PPP4R3B: variants seen among roughly 807,000 people sequenced by gnomAD.
PPP4R3B encodes serine/threonine-protein phosphatase 4 regulatory subunit 3B.
In PPP4R3B, 52 loss-of-function variants were observed where a neutral mutation model predicts 95.4. That is an observed-to-expected ratio of 0.54 (90% CI 0.44 to 0.69). PPP4R3B has a LOEUF of 0.69. Ranked by LOEUF, PPP4R3B falls within the 30% of genes least tolerant of loss-of-function variation. The pLI is 0.00. For synonymous variants in PPP4R3B, 407 were observed against 343.9 expected, an observed-to-expected ratio of 1.18 and a Z score of -2.03; for missense variants, 1,003 against 1,005.9, an observed-to-expected ratio of 1.00 and a Z score of 0.04.
chr2:55,579,606 G>T, intron 9 of PPP4R3B, 73 bp downstream of exon 9: 3 of 992,796 alleles, frequency 3.0e-6, no homozygotes, highest in Non-Finnish European at 2.9e-6. Flanking sequence ...CAAGTAAATT[G>T]CCTGTTAGTT....
chr2:55,573,600 T>G lies in PPP4R3B; in HGVS notation c.1765+19A>C. 6.6e-7 allele frequency: 1 copy of G among 1,522,354 alleles called. No homozygotes were observed. Among genetic ancestry groups the G allele is most frequent in the African/African-American group, 1.4e-5 (1 of 71,040 alleles). 94.3% of individuals were successfully genotyped at this position (1,522,354 alleles called of 1,614,324 possible). A position where few individuals can be genotyped will look rare whatever the true frequency, so the allele number is the denominator to read the frequency against. On this transcript the variant is annotated intron_variant, in intron 12 of 16. Coordinates refer to ENST00000616407, the MANE Select transcript of PPP4R3B (RefSeq NM_001122964.3). Reference sequence around the variant, plus strand: ...TATCTCTATTAAAAATGTTGCTCCTTAAAACATTTTATACTTACACAAGGC... The same window carrying G: ...TATCTCTATTAAAAATGTTGCTCCTGAAAACATTTTATACTTACACAAGGC...
intron 6 of PPP4R3B, among the ~76,000 whole-genome samples, chr2:55,586,191 G>T (rs929331547): frequency 6.6e-6 from 1 of 151,996 alleles, no homozygotes; most frequent in African/African-American, 2.4e-5. Flanking sequence ...TTAAATGAAT[G>T]CTTTAAAAAT....
intron 15 of PPP4R3B, 32 bp from the exon 16 acceptor site, chr2:55,559,000 CAATA>C: frequency 2.6e-6 from 4 of 1,525,934 alleles, no homozygotes; most frequent in Non-Finnish European, 3.6e-6. Context: ...GAACGTATAT[CAATA>C]AATACTGCTA....
intron 1 of PPP4R3B, 81 bp from the exon 2 acceptor site, chr2:55,615,587 C>A: frequency 2.1e-6 from 2 of 969,856 alleles, no homozygotes; most frequent in Non-Finnish European, 3.1e-6. Context: ...TAAAGCCGGG[C>A]GCAGTGGCTC....
rs546472115 is a variant in PPP4R3B, at chr2:55,549,862, C to T, written c.*49G>A. The T allele has an allele frequency of 7.5e-7, 1 of 1,340,744 alleles. No individual in the cohort carries two copies. The highest frequency in any genetic ancestry group is 1.1e-6 in the Non-Finnish European group (1 of 932,038). The allele number at this position is 1,340,744 out of a possible 1,614,324, so 83.1% of individuals were successfully genotyped here. ...TGATTCAGATTTTCAGCTCACTGAACAGTTGCAGCATTGTAAGACCACATG... is the reference window on the plus strand; with the variant it reads ...TGATTCAGATTTTCAGCTCACTGAATAGTTGCAGCATTGTAAGACCACATG... On this transcript the variant is annotated 3_prime_UTR_variant, in exon 17 of 17. Coordinates refer to ENST00000616407, the MANE Select transcript of PPP4R3B (RefSeq NM_001122964.3).
intron 1 of PPP4R3B, chr2:55,616,643 A>G (rs1190070754): frequency 6.6e-6 from 1 of 152,380 alleles, no homozygotes; most frequent in Non-Finnish European, 1.5e-5. Flanking sequence ...TATCGTGGCA[A>G]CAGTCAGCAA....
In PPP4R3B at chr2:55,617,256, G is replaced by A. The variant is rs770660217; in HGVS notation, c.30C>T (p.Val10=). The stretch of plus-strand genomic sequence containing the variant: ...ATTGCCGGTCTTCGTTCAGGGTATA[G>A]ACCTTCACTCGCCGCCGCGTATCCG... MSDTRRRVK[V]YTLNEDRQWD... Residue 10 remains valine, a synonymous_variant, in exon 1 of 17, where the codon GTC becomes GTT. Coordinates refer to ENST00000616407, the MANE Select transcript of PPP4R3B (RefSeq NM_001122964.3). 6.8e-6 allele frequency: 11 copies of A among 1,607,124 alleles called. No individual in the cohort carries two copies. Among genetic ancestry groups the A allele is most frequent in the East Asian group, 2.2e-5 (1 of 44,654 alleles).
At chr2:55,588,511 C>G (rs1197098591) in intron 5 of PPP4R3B, among the ~76,000 whole-genome samples, 1 of 140,324 alleles carries the variant, frequency 7.1e-6, no homozygotes, top group Admixed American at 7.4e-5. Context: ...GAAACTCCAT[C>G]TCAGAAAAAA....
At chr2:55,613,058 C>G (rs1694397809) in intron 2 of PPP4R3B, among the ~76,000 whole-genome samples, 1 of 152,112 alleles carries the variant, frequency 6.6e-6, no homozygotes, top group Non-Finnish European at 1.5e-5. Flanking sequence ...CTGCAGTGAG[C>G]TGTGATCAAA....
At chr2:55,561,072 C>T (rs939069277) in intron 15 of PPP4R3B, among the ~76,000 whole-genome samples, 3 of 152,114 alleles carry the variant, frequency 2.0e-5, no homozygotes, top group Non-Finnish European at 4.4e-5. Flanking sequence ...GAGCTGGGCC[C>T]AGGGCCCTGC....
Position 55,603,985 on chromosome 2 carries a change from A to T in PPP4R3B, c.290T>A (p.Ile97Asn). ...TTATAAAAAGAAACTTACCTGACAA[A>T]TTTTTTCCCAGATCTCATCACAGCC... ...KAGCDEIWEK[I>N]CQVQGKDPSV... The change falls in exon 3 of 17, where the codon ATT becomes AAT. Residue 97 changes from isoleucine to asparagine, a missense_variant. Ile to Asn is a moderately radical substitution (Grantham distance 149, BLOSUM62 -3). Around this residue, in one of 3 missense-constraint regions of PPP4R3B, gnomAD observed 695 missense variants for 686.2 expected, o/e 1.01. Coordinates refer to ENST00000616407, the MANE Select transcript of PPP4R3B (RefSeq NM_001122964.3). The T allele has an allele frequency of 1.3e-6, 2 of 1,598,054 alleles. No homozygotes were observed. The highest frequency in any genetic ancestry group is 1.7e-6 in the Non-Finnish European group (2 of 1,175,050).
chr2:55,561,448 G>A lies in PPP4R3B; in HGVS notation c.2261-2480C>T, dbSNP rs1686608505. Reference sequence around the variant, plus strand: ...TGCCTAGTGGAGCCATGAGAAGAGGGCCACCATCCTCCAGACCCCAGAACA... The same window carrying A: ...TGCCTAGTGGAGCCATGAGAAGAGGACCACCATCCTCCAGACCCCAGAACA... On this transcript the variant is annotated intron_variant, in intron 15 of 16. Coordinates refer to ENST00000616407, the MANE Select transcript of PPP4R3B (RefSeq NM_001122964.3). 3.9e-5 allele frequency among the ~76,000 whole-genome samples: 6 copies of A among 152,180 alleles called. No individual in the cohort carries two copies. In the South Asian group the frequency reaches 1.2e-3, roughly 31 times the overall value.
chr2:55,550,561 T>A (rs1006996677), intron 16 of PPP4R3B, among the ~76,000 whole-genome samples: 2 of 152,142 alleles, frequency 1.3e-5, no homozygotes, highest in Admixed American at 1.3e-4. Flanking sequence ...AAGGATGAGG[T>A]AATTCGTGGT....
At position 55,617,265 on chromosome 2, in the gene PPP4R3B, T is replaced by C. The variant is rs759794969; in HGVS notation, c.21A>G (p.Arg7=). 3.1e-6 allele frequency: 5 copies of C among 1,601,700 alleles called. No homozygotes were observed. In the East Asian group the frequency reaches 1.1e-4, roughly 36 times the overall value. Residue 7 remains arginine (R), a synonymous_variant, in exon 1 of 17, where the codon CGA becomes CGG. Coordinates refer to ENST00000616407, the MANE Select transcript of PPP4R3B (RefSeq NM_001122964.3). The stretch of plus-strand genomic sequence containing the variant: ...CTTCGTTCAGGGTATAGACCTTCAC[T>C]CGCCGCCGCGTATCCGACATGGTGG... MSDTRR[R]VKVYTLNEDR...
At position 55,617,232 on chromosome 2, in the gene PPP4R3B, T is replaced by C. The variant is rs1220368935; in HGVS notation, c.54A>G (p.Gln18=). The change falls in exon 1 of 17, where the codon CAA becomes CAG. Residue 18 remains glutamine (Q), a synonymous_variant. Coordinates refer to ENST00000616407, the MANE Select transcript of PPP4R3B (RefSeq NM_001122964.3). ...VKVYTLNEDR[Q]WDDRGTGHVS... ...CGTGCCCGGTGCCTCGGTCGTCCCA[T>C]TGCCGGTCTTCGTTCAGGGTATAGA... The C allele has an allele frequency of 8.1e-6, 13 of 1,614,092 alleles. No homozygotes were observed. The highest frequency in any genetic ancestry group is 4.5e-5 in the East Asian group (2 of 44,864).
rs537355972 is a variant in PPP4R3B, at chr2:55,594,215, T to G, written c.921+4201A>C. Among the ~76,000 whole-genome samples, 3 of 151,200 alleles carry G rather than the reference T, an allele frequency of 2.0e-5. No homozygotes were observed. In the East Asian group the frequency reaches 5.8e-4, roughly 29 times the overall value. ...CTGGGCACTGTGTTCAATATCACGG[T>G]GATGGGTACACTAGAAGCCCAATCT... On this transcript the variant is annotated intron_variant, in intron 4 of 16. Coordinates refer to ENST00000616407, the MANE Select transcript of PPP4R3B (RefSeq NM_001122964.3).
At chr2:55,594,850 A>G (rs1017403814) in intron 4 of PPP4R3B, among the ~76,000 whole-genome samples, 16 of 152,202 alleles carry the variant, frequency 1.1e-4, no homozygotes, top group Non-Finnish European at 4.4e-5. Flanking sequence ...TTATTGGTGA[A>G]TAACAAAAAA....
At position 55,598,964 on chromosome 2, in the gene PPP4R3B, TTTCTTCAAATCG is replaced by T; in HGVS notation, c.361_372del (p.Arg121_Glu124del). ...TCAATCAGATGACTAGTTTCAGGCA[TTTCTTCAAATCG>T]TTCTTCTTCAGATTCATCAATGAGG... On this transcript the variant is annotated inframe_deletion, in exon 4 of 17. Coordinates refer to ENST00000616407, the MANE Select transcript of PPP4R3B (RefSeq NM_001122964.3). The T allele has an allele frequency of 1.9e-6, 3 of 1,614,196 alleles. No homozygotes were observed. The highest frequency in any genetic ancestry group is 1.7e-6 in the Non-Finnish European group (2 of 1,180,046).
At chr2:55,554,206 A>G (rs1003180811) in intron 16 of PPP4R3B, among the ~76,000 whole-genome samples, 2 of 152,218 alleles carry the variant, frequency 1.3e-5, no homozygotes, top group African/African-American at 4.8e-5. Flanking sequence ...CTGGGACCAC[A>G]GGCATGTGCC....
Sources: gnomAD v4.1 joint callset for allele counts (sites outside exome capture counted in the v4.1 genomes callset) on GRCh38, gnomAD v4.1.1 for gene constraint, gnomAD v4.1.1 regional missense constraint, MANE v1.5 for transcripts, NCBI Gene and HGNC (gene_info 2026-07-23, HGNC 2026-07-21) for gene names.